Variants in RAE1 observed in about 807,000 individuals in gnomAD.
The protein encoded by RAE1 is ribonucleic acid export 1, also known as mRNA export factor RAE1.
RAE1 carries 13 observed loss-of-function variants against 52.7 expected under a neutral mutation model. The observed-to-expected ratio is 0.25, with a 90% confidence interval of 0.16 to 0.39. RAE1 has a LOEUF of 0.39. Among genes scored for constraint, RAE1 ranks in the 10% least tolerant of loss-of-function variants. RAE1 has a pLI of 1.00. For synonymous variants in RAE1, 164 were observed against 153.1 expected (o/e 1.07, Z -0.52); for missense variants, 262 against 459.8 (o/e 0.57, Z 3.93).
intron 10 of RAE1, 136 bp from the exon 11 acceptor site, chr20:57,374,471 T>C: frequency 1.2e-6 from 1 of 833,868 alleles, no homozygotes; most frequent in Non-Finnish European, 1.9e-6. Flanking sequence ...TAGTTTCTCT[T>C]GCTATCAGCG....
At chr20:57,372,952 C>T (rs1175387923) in intron 8 of RAE1, 1 of 155,780 alleles carries the variant, frequency 6.4e-6, no homozygotes, top group Non-Finnish European at 1.4e-5. Flanking sequence ...AGAGACCTGC[C>T]CTTGGGCCCT....
intron 8 of RAE1, chr20:57,371,721 C>G (rs1196412501): frequency 6.6e-6 from 1 of 152,110 alleles, no homozygotes; most frequent in Non-Finnish European, 1.5e-5. Context: ...TCAAAAGAAT[C>G]AAAATGGGTA....
At chr20:57,374,901 C>A in intron 11 of RAE1, 100 bp downstream of exon 11, 1 of 1,354,632 alleles carries the variant, frequency 7.4e-7, no homozygotes, top group Non-Finnish European at 1.0e-6. Context: ...TCAGGACTCA[C>A]GTGTGTCCTT....
intron 11 of RAE1, chr20:57,375,122 C>A: frequency 3.1e-6 from 2 of 654,840 alleles, no homozygotes; most frequent in Non-Finnish European, 5.6e-6. Flanking sequence ...GGTCATGGAG[C>A]TTTCGCCTGG....
Position 57,378,773 on chromosome 20 carries a change from TG to T in RAE1, c.*677del, listed in dbSNP as rs2067150656. Reference sequence around the variant, plus strand: ...CTCAAATGGGGACTGTTACTTGTGCTGGGTGACAGGCCATTTGTGGGTAACC... The same window carrying T: ...CTCAAATGGGGACTGTTACTTGTGCTGGTGACAGGCCATTTGTGGGTAACC... On this transcript the variant is annotated 3_prime_UTR_variant, in exon 12 of 12. Transcript: ENST00000395841. 1.3e-5 allele frequency: 2 copies of T among 152,246 alleles called. No homozygotes were observed. The highest frequency in any genetic ancestry group is 4.8e-5 in the African/African-American group (2 of 41,468). The allele number at this position is 152,246 out of a possible 1,614,324, so 9.4% of individuals were successfully genotyped here.
intron 1 of RAE1, chr20:57,351,931 T>G (rs1600700173): frequency 6.1e-6 from 6 of 985,502 alleles, no homozygotes; most frequent in Non-Finnish European, 7.2e-6. Flanking sequence ...CAAGTAGTAT[T>G]AAACACCAGC....
intron 1 of RAE1, chr20:57,351,883 G>T: frequency 1.0e-6 from 1 of 985,398 alleles, no homozygotes; most frequent in Non-Finnish European, 1.2e-6. Flanking sequence ...TATTGTATAC[G>T]TATATAGGTG....
At chr20:57,377,653 C>CT (rs2067135720) in intron 11 of RAE1, among the ~76,000 whole-genome samples, 1 of 152,280 alleles carries the variant, frequency 6.6e-6, no homozygotes, top group East Asian at 1.9e-4. Flanking sequence ...AGATGTCCTC[C>CT]TTTCTGTGAA....
chr20:57,368,031 G>T (rs1388243859), intron 7 of RAE1, among the ~76,000 whole-genome samples: 3 of 152,184 alleles, frequency 2.0e-5, no homozygotes, highest in Non-Finnish European at 2.9e-5. Flanking sequence ...TGGGACTACA[G>T]GTGTGTGCCA....
chr20:57,360,749 C>A (rs1444951949), intron 4 of RAE1, among the ~76,000 whole-genome samples: 1 of 152,110 alleles, frequency 6.6e-6, no homozygotes, highest in Non-Finnish European at 1.5e-5. Context: ...GTGGCGGGCA[C>A]GAAATTAACC....
rs747934664 is a variant in RAE1, at chr20:57,354,037, A to C, written c.-2A>C. On this transcript the variant is annotated 5_prime_UTR_variant, in exon 2 of 12. Coordinates refer to ENST00000395841, the MANE Select transcript of RAE1 (RefSeq NM_003610.4). ...CATTTTTCATTACTTTTTAGGTTCA[A>C]AATGAGCCTGTTTGGAACAACCTCA... 1 of 1,613,214 alleles carries C rather than the reference A, an allele frequency of 6.2e-7. No individual in the cohort carries two copies. The highest frequency in any genetic ancestry group is 1.1e-5 in the South Asian group (1 of 90,916).
intron 5 of RAE1, among the ~76,000 whole-genome samples, 197 bp from the exon 6 acceptor site, chr20:57,366,610 C>T (rs773523366): frequency 6.6e-5 from 10 of 152,192 alleles, no homozygotes; most frequent in Non-Finnish European, 1.3e-4. Flanking sequence ...GGGATTACAT[C>T]TCAACATGGG....
At chr20:57,354,643 GAGAA>G (rs2066757968) in intron 2 of RAE1, 65 bp from the exon 3 acceptor site, 4 of 1,178,438 alleles carry the variant, frequency 3.4e-6, no homozygotes, top group East Asian at 2.7e-5. Flanking sequence ...GGTAATTAGT[GAGAA>G]AGAAAACAAT....
At chr20:57,354,429 G>C (rs1211714571) in intron 2 of RAE1, among the ~76,000 whole-genome samples, 1 of 152,222 alleles carries the variant, frequency 6.6e-6, no homozygotes, top group Non-Finnish European at 1.5e-5. Flanking sequence ...GGGGATGGCA[G>C]GTGAAAACTG....
chr20:57,361,088 G>GAGAAAGAAAGAAAGAA (rs111818954), intron 4 of RAE1, among the ~76,000 whole-genome samples: 2 of 151,468 alleles, frequency 1.3e-5, no homozygotes, highest in East Asian at 3.9e-4. Context: ...ATTAAAGTAT[G>GAGAAAGAAAGAAAGAA]AGAAAGAAAG....
chr20:57,374,905 T>A, intron 11 of RAE1, 104 bp downstream of exon 11: 1 of 1,303,762 alleles, frequency 7.7e-7, no homozygotes, highest in Non-Finnish European at 1.1e-6. Flanking sequence ...GACTCACGTG[T>A]GTCCTTGGGC....
At chr20:57,372,584 A>C in intron 8 of RAE1, 1 of 152,260 alleles carries the variant, frequency 6.6e-6, no homozygotes. Context: ...TCGTACTCAC[A>C]AAAGTAATGG....
intron 4 of RAE1, among the ~76,000 whole-genome samples, chr20:57,360,805 A>G (rs75311980): frequency 0.064 from 9,758 of 152,248 alleles, 410 homozygotes; most frequent in Middle Eastern, 0.11. Context: ...GTTTATTACT[A>G]GATTTAACAC....
At chr20:57,355,424 A>T (rs538801547) in intron 3 of RAE1, among the ~76,000 whole-genome samples, 1 of 152,234 alleles carries the variant, frequency 6.6e-6, no homozygotes, top group African/African-American at 2.4e-5. Context: ...TAAAAGAATA[A>T]TAGTGCCAGC....
Sources: gnomAD v4.1 joint callset for allele counts (sites outside exome capture counted in the v4.1 genomes callset) on GRCh38, gnomAD v4.1.1 for gene constraint, MANE v1.5 for transcripts, NCBI Gene and HGNC (gene_info 2026-07-23, HGNC 2026-07-21) for gene names.